The following PKLR variants were observed in gnomAD, a reference collection of about 807,000 sequenced individuals.
PKLR encodes the protein pyruvate kinase L/R, also known as pyruvate kinase PKLR.
A neutral mutation model predicts 53.6 loss-of-function variants in PKLR; 38 were observed. The ratio of observed to expected loss-of-function variants is 0.71; its 90% CI spans 0.55 to 0.93. The LOEUF is 0.93. Ranked by LOEUF, PKLR falls within the 40% of genes least tolerant of loss-of-function variation. The pLI is 0.00. For synonymous variants in PKLR, 328 were observed against 316.2 expected (o/e 1.04, Z -0.39); for missense variants, 702 against 787.3 (o/e 0.89, Z 1.30).
Position 155,293,474 on chromosome 1 carries a change from G to A in PKLR, c.1233C>T (p.Gly411=), listed in dbSNP as rs1207975430. The A allele has an allele frequency of 6.2e-7, 1 of 1,614,212 alleles. No individual in the cohort carries two copies. The highest frequency in any genetic ancestry group is 1.7e-5 in the Admixed American group (1 of 60,024). Residue 411 remains glycine, a synonymous_variant, in exon 8 of 11, where the codon GGC becomes GGT. Coordinates refer to ENST00000342741, the MANE Select transcript of PKLR (RefSeq NM_000298.6). This position sits in a 1 kb window ranked among gnomAD's most constrained non-coding sequence, Gnocchi z 4.2. The stretch of plus-strand genomic sequence containing the variant: ...TCTTCACCGCTTCCACAGGGAAGTT[G>A]CCCTTGGCAGTCTCCCCTGACAGCA... ...CIMLSGETAK[G]NFPVEAVKMQ... is the part of the protein sequence containing the mutation.
rs986506574 is a variant in PKLR, at chr1:155,293,133, C to T, written c.1436+44G>A. The stretch of plus-strand genomic sequence containing the variant: ...AGCCTGGGGCCCGTCCCAGCCCACC[C>T]CTGACCCAAAGCTCCATCTGGACAT... On this transcript the variant is annotated intron_variant, in intron 9 of 10. Transcript: ENST00000342741. The surrounding 1 kb of genome is among the most constrained non-coding windows in gnomAD (Gnocchi z 4.2). 5 of 1,598,676 alleles carry T rather than the reference C, an allele frequency of 3.1e-6. No homozygotes were observed. Among genetic ancestry groups the T allele is most frequent in the Non-Finnish European group, 3.4e-6 (4 of 1,166,056 alleles).
rs1345056668 is a variant in PKLR at position 155,293,795 on chromosome 1, T to A, written c.1117-205A>T. 1.3e-5 allele frequency among the ~76,000 whole-genome samples: 2 copies of A among 152,224 alleles called. No individual in the cohort carries two copies. Among genetic ancestry groups the A allele is most frequent in the African/African-American group, 4.8e-5 (2 of 41,448 alleles). On this transcript the variant is annotated intron_variant, in intron 7 of 10. Coordinates refer to ENST00000342741, the MANE Select transcript of PKLR (RefSeq NM_000298.6). This position sits in a 1 kb window ranked among gnomAD's most constrained non-coding sequence, Gnocchi z 4.2. ...AATAGGGGTCAAAGTATATTTAACTTTGTCGTTTGAGGATCAAACACTTTT... is the reference window on the plus strand; with the variant it reads ...AATAGGGGTCAAAGTATATTTAACTATGTCGTTTGAGGATCAAACACTTTT...
In PKLR at chr1:155,295,470, C is replaced by T. The variant is rs763884887; in HGVS notation, c.474G>A (p.Lys158=). 1.1e-5 allele frequency: 18 copies of T among 1,609,130 alleles called. No individual in the cohort carries two copies. Among genetic ancestry groups the T allele is most frequent in the Admixed American group, 8.5e-5 (5 of 58,826 alleles). Residue 158 remains lysine (K), a synonymous_variant, in exon 4 of 11, where the codon AAG becomes AAA. Coordinates refer to ENST00000342741, the MANE Select transcript of PKLR (RefSeq NM_000298.6). The surrounding 1 kb of genome is among the most constrained non-coding windows in gnomAD (Gnocchi z 4.3). The part of the protein sequence containing the change: ...YRPVAIALDT[K]GPEIRTGILQ... ...GGATCCCAGTGCGGATCTCCGGTCC[C>T]TTGGTGTCCAGGGCGATGGCCACGG...
rs773154027 is a variant in PKLR, at chr1:155,295,660, C to G, written c.375+5G>C. The G allele has an allele frequency of 3.1e-6, 5 of 1,614,124 alleles. No individual in the cohort carries two copies. Among genetic ancestry groups the G allele is most frequent in the Non-Finnish European group, 4.2e-6 (5 of 1,180,012 alleles). ...CCACCCACTGCCCGGCGGCCCGTCCCGCACCTCGTGGGAGCCGTGGGAGAA... is the reference window on the plus strand; with the variant it reads ...CCACCCACTGCCCGGCGGCCCGTCCGGCACCTCGTGGGAGCCGTGGGAGAA... On this transcript the variant is annotated splice_donor_5th_base_variant and intron_variant, in intron 3 of 10. Coordinates refer to ENST00000342741, the MANE Select transcript of PKLR (RefSeq NM_000298.6). This position sits in a 1 kb window ranked among gnomAD's most constrained non-coding sequence, Gnocchi z 4.3.
intron 7 of PKLR, 58 bp downstream of exon 7, chr1:155,294,177 C>A: frequency 2.0e-6 from 3 of 1,515,884 alleles, no homozygotes; most frequent in Non-Finnish European, 2.8e-6. Flanking sequence ...TGTGGGTATT[C>A]ACCCACAGGT....
In PKLR at chr1:155,300,966, C is replaced by G. The variant is rs1340123444; in HGVS notation, c.100+330G>C. On this transcript the variant is annotated intron_variant, in intron 1 of 10. Transcript: ENST00000342741. ...GGGTTGTCAGAGGCATGAGGCCCAG[C>G]TGGGCTGGGGATCAGTTCTGCAGAC... The G allele has an allele frequency of 4.5e-6, 7 of 1,572,424 alleles. No individual in the cohort carries two copies. In the Admixed American group the frequency reaches 1.1e-4, roughly 25 times the overall value.
intron 5 of PKLR, 121 bp downstream of exon 5, chr1:155,294,995 G>A (rs1015980121): frequency 6.7e-6 from 8 of 1,195,572 alleles, no homozygotes; most frequent in Non-Finnish European, 9.7e-6. Flanking sequence ...CTCCTGGGAC[G>A]GGCTGGCAAA....
chr1:155,290,190 G>T lies in PKLR; in HGVS notation c.*382C>A. Reference sequence around the variant, plus strand: ...GGGAGACTGTGGACAAGATTGCCCTGTCTCCCCTCTCCCCCACCCCAAGGG... The same window carrying T: ...GGGAGACTGTGGACAAGATTGCCCTTTCTCCCCTCTCCCCCACCCCAAGGG... On this transcript the variant is annotated 3_prime_UTR_variant, in exon 11 of 11. Transcript: ENST00000342741. 3.5e-6 allele frequency: 1 copy of T among 288,236 alleles called. No individual in the cohort carries two copies. The highest frequency in any genetic ancestry group is 4.1e-5 in the South Asian group (1 of 24,126). The allele number at this position is 288,236 out of a possible 1,614,324, so 17.9% of individuals were successfully genotyped here.
At chr1:155,294,125 TC>T in intron 7 of PKLR, 109 bp downstream of exon 7, 1 of 1,237,114 alleles carries the variant, frequency 8.1e-7, no homozygotes, top group South Asian at 1.2e-5. Flanking sequence ...AGAGTGAGAC[TC>T]CGTCTCAAAA....
rs551617020 is a variant in PKLR at position 155,293,762 on chromosome 1, C to A, written c.1117-172G>T. ...ATTTAACTTTGTCGTTTGGTCACAA[C>A]CCCTGAAAATAGGGGTCAAAGTATA... On this transcript the variant is annotated intron_variant, in intron 7 of 10. Coordinates refer to ENST00000342741, the MANE Select transcript of PKLR (RefSeq NM_000298.6). The surrounding 1 kb of genome is among the most constrained non-coding windows in gnomAD (Gnocchi z 4.2). Among the ~76,000 whole-genome samples the A allele has an allele frequency of 6.6e-6, 1 of 152,302 alleles. No individual in the cohort carries two copies. The highest frequency in any genetic ancestry group is 2.1e-4 in the South Asian group (1 of 4,830).
At position 155,290,573 on chromosome 1, in the gene PKLR, C is replaced by T. The variant is rs2148195494; in HGVS notation, c.1724G>A (p.Ter575=). Residue 575 remains the stop codon, a stop_retained_variant, in exon 11 of 11, where the codon TGA becomes TAA. Transcript: ENST00000342741. ...TGGGCCAGAGGAGGGAGGGGCGTCT[C>T]AGGATATGCTTAGCACCCGCATGAT... The part of the protein sequence containing the change: ...TNIMRVLSIS[*] 1 of 1,596,960 alleles carries T rather than the reference C, an allele frequency of 6.3e-7. No individual in the cohort carries two copies. Among genetic ancestry groups the T allele is most frequent in the East Asian group, 2.2e-5 (1 of 44,726 alleles).
chr1:155,297,130 A>G (rs1647644170), intron 2 of PKLR, among the ~76,000 whole-genome samples: 1 of 151,986 alleles, frequency 6.6e-6, no homozygotes, highest in Non-Finnish European at 1.5e-5. Context: ...CATTTCACCT[A>G]CACTCCTTTG....
chr1:155,299,764 C>A (rs990393795), intron 2 of PKLR, among the ~76,000 whole-genome samples: 1 of 152,030 alleles, frequency 6.6e-6, no homozygotes, highest in Non-Finnish European at 1.5e-5. Flanking sequence ...CCTGGGCCTC[C>A]CAACATGCTG....
upstream of PKLR, among the ~76,000 whole-genome samples, chr1:155,304,947 C>T (rs936788735): frequency 6.6e-6 from 1 of 152,104 alleles, no homozygotes; most frequent in African/African-American, 2.4e-5. Context: ...AGGTGTGTTC[C>T]TTTTCCACTC....
chr1:155,302,558 A>T (rs1451082976), upstream of PKLR, among the ~76,000 whole-genome samples: 2 of 151,808 alleles, frequency 1.3e-5, no homozygotes, highest in Non-Finnish European at 2.9e-5. Flanking sequence ...TTTTTAGTAA[A>T]GATGGGGTTT....
chr1:155,308,507 T>C, the PKLR span: 1 of 962,330 alleles, frequency 1.0e-6, no homozygotes, highest in African/African-American at 1.8e-5. Context: ...TGCCTAAAGT[T>C]AGAGAACTAA....
chr1:155,290,231 T>G lies in PKLR; in HGVS notation c.*341A>C. The G allele has an allele frequency of 3.0e-6, 1 of 332,314 alleles. No homozygotes were observed. Among genetic ancestry groups the G allele is most frequent in the Non-Finnish European group, 5.7e-6 (1 of 174,146 alleles). The allele number at this position is 332,314 out of a possible 1,614,324, so 20.6% of individuals were successfully genotyped here. A position where few individuals can be genotyped will look rare whatever the true frequency, so the allele number is the denominator to read the frequency against. ...ACCCCAAGGGATGGGATGCCTGGGG[T>G]TATGGAATTAACCAGCCAAACTGGG... On this transcript the variant is annotated 3_prime_UTR_variant, in exon 11 of 11. Transcript: ENST00000342741.
At position 155,295,325 on chromosome 1, in the gene PKLR, T is replaced by A. The variant is rs747285798; in HGVS notation, c.508-23A>T. On this transcript the variant is annotated intron_variant, in intron 4 of 10. Transcript: ENST00000342741. The surrounding 1 kb of genome is among the most constrained non-coding windows in gnomAD (Gnocchi z 4.3). ...ACCCTAAGGAGGGAGCCAGAGGAGATGTGAGTTCTGAGCCCCGGAGTCCGG... is the reference window on the plus strand; with the variant it reads ...ACCCTAAGGAGGGAGCCAGAGGAGAAGTGAGTTCTGAGCCCCGGAGTCCGG... 5 of 1,613,662 alleles carry A rather than the reference T, an allele frequency of 3.1e-6. No homozygotes were observed. Among genetic ancestry groups the A allele is most frequent in the Non-Finnish European group, 2.5e-6 (3 of 1,179,762 alleles).
chr1:155,299,010 CTTTCTTTCTTTCTTTCTTTCTTTCTCT>C (rs1424488284), intron 2 of PKLR, among the ~76,000 whole-genome samples: 98 of 102,074 alleles, frequency 9.6e-4, no homozygotes, highest in Middle Eastern at 8.1e-3. Flanking sequence ...TTCTTTCTTT[CTTTCTTTCTTTCTTTCTTTCTTTCTCT>C]TTCTTTCTTT....
Sources: allele counts gnomAD v4.1 joint callset (sites outside exome capture counted in the v4.1 genomes callset), GRCh38; gene constraint gnomAD v4.1.1; non-coding constraint Gnocchi (gnomAD v3.1); transcripts MANE v1.5; gene names NCBI Gene and HGNC (gene_info 2026-07-23, HGNC 2026-07-21).